SLC38A8: variants seen among roughly 807,000 people sequenced by gnomAD.
SLC38A8 encodes solute carrier family 38 member 8.
SLC38A8 carries 65 observed loss-of-function variants against 46.0 expected under a neutral mutation model. The observed-to-expected ratio is 1.41, with a 90% CI of 1.16 to 1.74. The LOEUF is 1.74. SLC38A8 is among the 40% of genes most tolerant of loss of function. SLC38A8 has a pLI of 0.00. For missense variants in SLC38A8, 998 were observed against 567.9 expected (o/e 1.76, Z -7.70); for synonymous variants, 447 against 243.7 (o/e 1.83, Z -7.77).
intron 6 of SLC38A8, among the ~76,000 whole-genome samples, chr16:84,029,089 G>A (rs2085204717): frequency 6.6e-6 from 1 of 152,114 alleles, no homozygotes; most frequent in African/African-American, 2.4e-5. Flanking sequence ...CCTGGGCAGA[G>A]TCCACCTGGG....
chr16:84,026,235 G>C (rs1197284613), intron 6 of SLC38A8, among the ~76,000 whole-genome samples: 3 of 152,106 alleles, frequency 2.0e-5, no homozygotes, highest in East Asian at 1.9e-4. Flanking sequence ...CTGGTGTTTT[G>C]TTTTGTTTTT....
rs77440391 is a variant in SLC38A8, at chr16:84,033,589, C to G, written c.389-120G>C. ...TCCACCCTCAGCCAGCCCCAGGAGC[C>G]CAGGGATCAGACGACAAGTGAGATG... is the stretch of plus-strand genomic sequence containing the variant. On this transcript the variant is annotated intron_variant, in intron 3 of 10. Coordinates refer to ENST00000299709, the MANE Select transcript of SLC38A8 (RefSeq NM_001080442.3). The G allele has an allele frequency of 2.0e-4, 240 of 1,197,798 alleles. No individual in the cohort carries two copies. The East Asian group carries it at 5.6e-3, about 28-fold the overall frequency. 74.2% of individuals were successfully genotyped at this position (1,197,798 alleles called of 1,614,324 possible).
In SLC38A8 at chr16:84,031,913, A is replaced by G. The variant is rs2085244713; in HGVS notation, c.586T>C (p.Tyr196His). ...CGCACGAGGCCCTGGGGCCAGAGGT[A>G]GTACTGCACGGTGATGACCAGGGCC... The part of the protein sequence containing the change: ...YLALVITVQY[Y>H]LWPQGLVRES... Residue 196 changes from tyrosine to histidine, a missense_variant, in exon 5 of 11, where the codon TAC becomes CAC. Physicochemically the swap from Tyr to His is moderately conservative, Grantham distance 83. Transcript: ENST00000299709. 1 of 1,614,186 alleles carries G rather than the reference A, an allele frequency of 6.2e-7. No homozygotes were observed. Among genetic ancestry groups the G allele is most frequent in the Non-Finnish European group, 8.5e-7 (1 of 1,180,024 alleles).
At chr16:84,022,932 G>A (rs1274858106) in intron 6 of SLC38A8, 43 bp from the exon 7 acceptor site, 1 of 1,452,830 alleles carries the variant, frequency 6.9e-7, no homozygotes, top group African/African-American at 1.4e-5. Context: ...GGCTTCCCCT[G>A]GAACAGGCGA....
Position 84,036,886 on chromosome 16 carries a change from G to A in SLC38A8, c.204C>T (p.Phe68=), listed in dbSNP as rs762452091. ...AFLVELVSLV[F]LISGLVILGY... Reference sequence around the variant, plus strand: ...CCAGGATGACCAGCCCGCTGATCAGGAAGACCAACGAGACCTGCGGAGAAG... The same window carrying A: ...CCAGGATGACCAGCCCGCTGATCAGAAAGACCAACGAGACCTGCGGAGAAG... Residue 68 remains phenylalanine (F), a synonymous_variant, in exon 3 of 11, where the codon TTC becomes TTT. Transcript: ENST00000299709. 1.3e-5 allele frequency: 21 copies of A among 1,612,072 alleles called. No individual in the cohort carries two copies. The highest frequency in any genetic ancestry group is 1.6e-5 in the Non-Finnish European group (19 of 1,179,808).
chr16:84,013,638 T>A (rs2084985737), intron 9 of SLC38A8, among the ~76,000 whole-genome samples: 1 of 151,546 alleles, frequency 6.6e-6, no homozygotes, highest in Non-Finnish European at 1.5e-5. Context: ...ACCATGTTGG[T>A]CAGGATGGTC....
At chr16:84,043,139 C>T (rs1346166798), upstream of SLC38A8, among the ~76,000 whole-genome samples, 4 of 152,176 alleles carry the variant, frequency 2.6e-5, no homozygotes, top group South Asian at 2.1e-4. Context: ...CCAGCAGGTG[C>T]GTCTCAGAGC....
chr16:84,022,462 G>C (rs2085106208), intron 7 of SLC38A8, among the ~76,000 whole-genome samples: 1 of 152,222 alleles, frequency 6.6e-6, no homozygotes, highest in African/African-American at 2.4e-5. Context: ...AATGTCCTTT[G>C]AACAGCAGGC....
intron 4 of SLC38A8, 140 bp from the exon 5 acceptor site, chr16:84,032,108 C>T: frequency 1.5e-6 from 1 of 685,220 alleles, no homozygotes; most frequent in Non-Finnish European, 2.6e-6. Flanking sequence ...CCTCACCATC[C>T]TCATCTGTAC....
intron 2 of SLC38A8, chr16:84,041,108 A>G (rs2085362109): frequency 6.6e-6 from 1 of 152,272 alleles, no homozygotes; most frequent in Admixed American, 6.5e-5. Flanking sequence ...GCGGCAAAGG[A>G]TCTTAGAAAA....
intron 2 of SLC38A8, chr16:84,039,967 C>T (rs1014408981): frequency 1.3e-5 from 2 of 152,176 alleles, no homozygotes; most frequent in South Asian, 2.1e-4. Context: ...AAGTACTAAT[C>T]GCGCCCGACC....
At chr16:84,028,563 A>T (rs1157752702) in intron 6 of SLC38A8, among the ~76,000 whole-genome samples, 1 of 109,710 alleles carries the variant, frequency 9.1e-6, no homozygotes, top group Admixed American at 9.1e-5. Flanking sequence ...ACTCCAACTC[A>T]AAAAAAGAAA....
intron 9 of SLC38A8, among the ~76,000 whole-genome samples, chr16:84,014,390 G>A (rs1033749658): frequency 6.9e-6 from 1 of 143,908 alleles, no homozygotes; most frequent in Non-Finnish European, 1.5e-5. Context: ...CCCCATCAAT[G>A]AAAGCTCCGC....
At chr16:84,030,172 G>A (rs989193989) in intron 5 of SLC38A8, among the ~76,000 whole-genome samples, 2 of 152,156 alleles carry the variant, frequency 1.3e-5, no homozygotes, top group Admixed American at 1.3e-4. Context: ...CCAAGACCCA[G>A]TGATCCGTCT....
At chr16:84,021,302 T>G (rs1410126338) in intron 7 of SLC38A8, among the ~76,000 whole-genome samples, 1 of 152,288 alleles carries the variant, frequency 6.6e-6, no homozygotes, top group East Asian at 1.9e-4. Context: ...TGACCTCAAG[T>G]GATCCACCTG....
At chr16:84,011,366 G>A (rs2084951099) in intron 10 of SLC38A8, among the ~76,000 whole-genome samples, 1 of 152,206 alleles carries the variant, frequency 6.6e-6, no homozygotes. Context: ...ACCAGACATT[G>A]GGAGGCTGGT....
At chr16:84,038,679 C>T (rs898813552) in intron 2 of SLC38A8, among the ~76,000 whole-genome samples, 1 of 152,198 alleles carries the variant, frequency 6.6e-6, no homozygotes, top group Admixed American at 6.5e-5. Context: ...TACCCACAGG[C>T]GGAACATCGC....
At chr16:84,040,361 G>A (rs772518411) in intron 2 of SLC38A8, among the ~76,000 whole-genome samples, 2 of 152,206 alleles carry the variant, frequency 1.3e-5, no homozygotes, top group African/African-American at 2.4e-5. Context: ...GAAGGGATCT[G>A]GAGCTCATCC....
chr16:84,031,325 G>T (rs947294931), intron 5 of SLC38A8, among the ~76,000 whole-genome samples: 10 of 152,134 alleles, frequency 6.6e-5, no homozygotes, highest in African/African-American at 2.4e-4. Context: ...ACAACTATGA[G>T]CCACCACACC....
Sources: allele counts gnomAD v4.1 joint callset (sites outside exome capture counted in the v4.1 genomes callset), GRCh38; gene constraint gnomAD v4.1.1; transcripts MANE v1.5; gene names NCBI Gene and HGNC (gene_info 2026-07-23, HGNC 2026-07-21).